Variants in MYLK3 observed in about 807,000 individuals in gnomAD.
MYLK3 encodes MLC kinase.
MYLK3 carries 55 observed loss-of-function variants against 76.3 expected under a neutral mutation model. The ratio of observed to expected loss-of-function variants is 0.72; its 90% confidence interval spans 0.58 to 0.90. The LOEUF is 0.90. Ranked by LOEUF, MYLK3 falls within the 40% of genes least tolerant of loss-of-function variation. MYLK3 has a pLI of 0.00. For missense variants in MYLK3, 973 were observed against 1,053.6 expected (o/e 0.92, Z 1.06); for synonymous variants, 416 against 425.4 (o/e 0.98, Z 0.27).
intron 1 of MYLK3, among the ~76,000 whole-genome samples, chr16:46,746,614 G>A (rs982277221): frequency 7.9e-5 from 12 of 152,026 alleles, no homozygotes; most frequent in Admixed American, 3.3e-4. Flanking sequence ...TTGTAGAGAC[G>A]GGGTCTTCCT....
chr16:46,713,431 TCAAA>T (rs941502196), intron 9 of MYLK3, among the ~76,000 whole-genome samples: 4 of 152,088 alleles, frequency 2.6e-5, no homozygotes, highest in Non-Finnish European at 5.9e-5. Context: ...ACTCCTGAGC[TCAAA>T]CAATCTGCCT....
At chr16:46,711,778 G>C in intron 10 of MYLK3, 1 of 298,042 alleles carries the variant, frequency 3.4e-6, no homozygotes, top group South Asian at 2.7e-5. Flanking sequence ...ATCTCCATTA[G>C]TCCACAAGGA....
At chr16:46,725,184 G>T (rs917261418) in intron 8 of MYLK3, among the ~76,000 whole-genome samples, 2 of 152,078 alleles carry the variant, frequency 1.3e-5, no homozygotes, top group Admixed American at 1.3e-4. Context: ...AATCCTAATA[G>T]TCTCCTCTCT....
intron 10 of MYLK3, among the ~76,000 whole-genome samples, chr16:46,712,342 C>A (rs563179776): frequency 6.6e-6 from 1 of 151,908 alleles, no homozygotes; most frequent in Non-Finnish European, 1.5e-5. Context: ...CCTTCCTCAC[C>A]GAGAAACAGG....
At position 46,707,101 on chromosome 16, in the gene MYLK3, A is replaced by C. The variant is rs1326311775; in HGVS notation, c.*603T>G. ...AGGAGAGAGGTGGAGGTGTGTGGAG[A>C]TTTAAAAAGCACAGTCAAAATGATC... On this transcript the variant is annotated 3_prime_UTR_variant, in exon 13 of 13. Coordinates refer to ENST00000394809, the MANE Select transcript of MYLK3 (RefSeq NM_182493.3). The C allele has an allele frequency of 6.6e-6, 1 of 152,216 alleles. No homozygotes were observed. The allele number at this position is 152,216 out of a possible 1,614,324, so 9.4% of individuals were successfully genotyped here.
chr16:46,711,867 T>A (rs1303802293), intron 10 of MYLK3: 1 of 170,048 alleles, frequency 5.9e-6, no homozygotes, highest in Non-Finnish European at 1.3e-5. Context: ...CATTCTGGAG[T>A]TCCCCAGCAG....
In MYLK3 at chr16:46,709,638, G is replaced by A. The variant is rs138136838; in HGVS notation, c.2301C>T (p.His767=). 89 of 1,614,142 alleles carry A rather than the reference G, an allele frequency of 5.5e-5. No individual in the cohort carries two copies. Among genetic ancestry groups the A allele is most frequent in the Non-Finnish European group, 6.9e-5 (81 of 1,180,012 alleles). The part of the protein sequence containing the change: ...CRMSATQCLK[H]EWLNNLPAKA... ...TGGCAGGCAAATTATTCAGCCACTC[G>A]TGTTTCAGGCACTGTGTGGCACTCA... Residue 767 remains histidine (H), a synonymous_variant, in exon 12 of 13, where the codon CAC becomes CAT. Coordinates refer to ENST00000394809, the MANE Select transcript of MYLK3 (RefSeq NM_182493.3).
At chr16:46,724,795 C>T (rs755771988) in intron 8 of MYLK3, among the ~76,000 whole-genome samples, 1 of 152,160 alleles carries the variant, frequency 6.6e-6, no homozygotes, top group African/African-American at 2.4e-5. Flanking sequence ...GAATTCCCAT[C>T]TGAATTTTAG....
At position 46,710,669 on chromosome 16, in the gene MYLK3, G is replaced by A. The variant is rs1296637610; in HGVS notation, c.2235C>T (p.Asp745=). ...TFEGLSEEAK[D]FVSRLLVKEK... Reference sequence around the variant, plus strand: ...CTTTGACCAGCAACCGGGAAACAAAGTCCTTGGCCTCCTCCGAGAGCCCTT... The same window carrying A: ...CTTTGACCAGCAACCGGGAAACAAAATCCTTGGCCTCCTCCGAGAGCCCTT... Residue 745 remains aspartate, a synonymous_variant, in exon 11 of 13, where the codon GAC becomes GAT. Transcript: ENST00000394809. 6.2e-7 allele frequency: 1 copy of A among 1,614,132 alleles called. No individual in the cohort carries two copies. The highest frequency in any genetic ancestry group is 1.7e-5 in the Admixed American group (1 of 60,008).
At chr16:46,737,198 G>A (rs959021211) in intron 3 of MYLK3, among the ~76,000 whole-genome samples, 1 of 152,244 alleles carries the variant, frequency 6.6e-6, no homozygotes, top group Non-Finnish European at 1.5e-5. Context: ...ATTCCTAGCT[G>A]TGGGGCCCTG....
At chr16:46,757,577 C>T (rs998942584) in intron 1 of MYLK3, 66 of 985,446 alleles carry the variant, frequency 6.7e-5, no homozygotes, top group Non-Finnish European at 7.3e-5. Flanking sequence ...CCCAAACGCC[C>T]GGAGCGCTGG....
At chr16:46,717,787 A>G (rs935594270) in intron 9 of MYLK3, among the ~76,000 whole-genome samples, 15 of 152,188 alleles carry the variant, frequency 9.9e-5, no homozygotes, top group Non-Finnish European at 1.6e-4. Context: ...GTGCTGAAGC[A>G]TTTGCCAGCA....
chr16:46,703,524 T>C lies in MYLK3; in HGVS notation c.*4180A>G, dbSNP rs1246824676. On this transcript the variant is annotated 3_prime_UTR_variant, in exon 13 of 13. Coordinates refer to ENST00000394809, the MANE Select transcript of MYLK3 (RefSeq NM_182493.3). Reference sequence around the variant, plus strand: ...CTTTTAGAGTTTCTCTGCCCAGCAGTTTCCAGTGACTGTACATGCAAATGG... The same window carrying C: ...CTTTTAGAGTTTCTCTGCCCAGCAGCTTCCAGTGACTGTACATGCAAATGG... 6.6e-6 allele frequency: 1 copy of C among 152,174 alleles called. No homozygotes were observed. Among genetic ancestry groups the C allele is most frequent in the Non-Finnish European group, 1.5e-5 (1 of 68,048 alleles). 9.4% of individuals were successfully genotyped at this position (152,174 alleles called of 1,614,324 possible). A position where few individuals can be genotyped will look rare whatever the true frequency, so the allele number is the denominator to read the frequency against.
chr16:46,716,014 G>A (rs1966733938), intron 9 of MYLK3, among the ~76,000 whole-genome samples: 1 of 152,220 alleles, frequency 6.6e-6, no homozygotes, highest in African/African-American at 2.4e-5. Context: ...TGTGCCAGAT[G>A]ATGGAGGTTG....
chr16:46,707,690 A>T lies in MYLK3; in HGVS notation c.*14T>A. On this transcript the variant is annotated 3_prime_UTR_variant, in exon 13 of 13. Coordinates refer to ENST00000394809, the MANE Select transcript of MYLK3 (RefSeq NM_182493.3). ...CAGTAATTTCTGGACCCATTGGAGC[A>T]GCAGAGTTGAAGATTAGGGAGAAGT... is the stretch of plus-strand genomic sequence containing the variant. The T allele has an allele frequency of 1.3e-6, 2 of 1,590,434 alleles. No individual in the cohort carries two copies. The highest frequency in any genetic ancestry group is 8.6e-7 in the Non-Finnish European group (1 of 1,158,712).
chr16:46,756,042 TG>T (rs1007710660), intron 1 of MYLK3, among the ~76,000 whole-genome samples: 7 of 151,538 alleles, frequency 4.6e-5, no homozygotes, highest in African/African-American at 1.7e-4. Flanking sequence ...TGAGAGTAGC[TG>T]GGACTACAGG....
At chr16:46,735,163 G>A (rs774327962) in intron 3 of MYLK3, among the ~76,000 whole-genome samples, 14 of 151,620 alleles carry the variant, frequency 9.2e-5, no homozygotes, top group South Asian at 4.2e-4. Context: ...GGAGGGGGGC[G>A]CTAAGATGTT....
chr16:46,730,876 C>T (rs1253409009), intron 4 of MYLK3, among the ~76,000 whole-genome samples, 178 bp from the exon 5 acceptor site: 2 of 152,222 alleles, frequency 1.3e-5, no homozygotes, highest in African/African-American at 4.8e-5. Flanking sequence ...GAGAAGGGAG[C>T]CCGTGACAGA....
upstream of MYLK3, among the ~76,000 whole-genome samples, chr16:46,748,461 T>G (rs1967069570): frequency 6.6e-6 from 1 of 152,134 alleles, no homozygotes; most frequent in African/African-American, 2.4e-5. The surrounding 1 kb of genome is among the most constrained non-coding windows in gnomAD (Gnocchi z 4.3). Context: ...GGGGCCCCTT[T>G]GACATCACGG....
Sources: gnomAD v4.1 joint callset for allele counts (sites outside exome capture counted in the v4.1 genomes callset) on GRCh38, gnomAD v4.1.1 for gene constraint, Gnocchi (gnomAD v3.1) non-coding constraint, MANE v1.5 for transcripts, NCBI Gene and HGNC (gene_info 2026-07-23, HGNC 2026-07-21) for gene names.